The following INVS variants were observed in gnomAD, a reference collection of about 807,000 sequenced individuals.
INVS encodes inversion of embryo turning homolog.
INVS carries 86 observed loss-of-function variants against 108.8 expected under a neutral mutation model. That is an observed-to-expected ratio of 0.79 (90% CI 0.66 to 0.95). The LOEUF is 0.95. Ranked by LOEUF, INVS falls within the 40% of genes least tolerant of loss-of-function variation. The pLI is 0.00. For synonymous variants in INVS, 455 were observed against 473.5 expected (o/e 0.96, Z 0.51); for missense variants, 1,169 against 1,297.4 (o/e 0.90, Z 1.52).
intron 7 of INVS, among the ~76,000 whole-genome samples, chr9:100,244,803 G>C (rs1477840806): frequency 6.6e-6 from 1 of 152,136 alleles, no homozygotes; most frequent in African/African-American, 2.4e-5. Context: ...ACTCAGCAAA[G>C]AAATGTTTGC....
intron 3 of INVS, among the ~76,000 whole-genome samples, chr9:100,165,572 G>C (rs1012783181): frequency 2.0e-5 from 3 of 151,940 alleles, no homozygotes; most frequent in African/African-American, 7.3e-5. Context: ...TAATGAATTG[G>C]TTTCCTGGCA....
At chr9:100,287,356 C>T (rs1474073726) in intron 13 of INVS, among the ~76,000 whole-genome samples, 1 of 152,158 alleles carries the variant, frequency 6.6e-6, no homozygotes, top group Non-Finnish European at 1.5e-5. Flanking sequence ...AGTTACGAGA[C>T]CATCCCAGAC....
At chr9:100,123,884 C>T (rs1028390460) in intron 2 of INVS, among the ~76,000 whole-genome samples, 4 of 152,220 alleles carry the variant, frequency 2.6e-5, no homozygotes, top group Admixed American at 6.5e-5. Context: ...CAGCTCACTG[C>T]AACCTCCACC....
At chr9:100,218,996 C>T (rs1564162902) in intron 3 of INVS, among the ~76,000 whole-genome samples, 1 of 152,028 alleles carries the variant, frequency 6.6e-6, no homozygotes, top group Admixed American at 6.6e-5. Context: ...CAAAAATGAA[C>T]CTGCAGACAG....
chr9:100,219,104 A>G (rs1831068734), intron 3 of INVS, among the ~76,000 whole-genome samples: 1 of 152,230 alleles, frequency 6.6e-6, no homozygotes, highest in Non-Finnish European at 1.5e-5. Flanking sequence ...AATAAAGCAA[A>G]AAAATAAGCC....
chr9:100,151,212 A>G (rs955740184), intron 3 of INVS, among the ~76,000 whole-genome samples: 5 of 152,212 alleles, frequency 3.3e-5, no homozygotes, highest in African/African-American at 1.2e-4. Flanking sequence ...ATTAGTCTTC[A>G]TGCCTTTAAT....
chr9:100,242,654 A>C lies in INVS; in HGVS notation c.881A>C (p.His294Pro), dbSNP rs763504274. ...GACAGCCAAGGAGCCACACCTTTGC[A>C]CTATGCTGCTCAGAGTAACTTTGCT... The part of the protein sequence containing the change: ...PSDSQGATPL[H>P]YAAQSNFAET... The change falls in exon 7 of 17, where the codon CAC becomes CCC. Residue 294 changes from histidine to proline, a missense_variant. This residue lies in a region of INVS where 365 missense variants were observed against 397.5 expected (regional missense o/e 0.92). Transcript: ENST00000262457. The C allele has an allele frequency of 6.2e-7, 1 of 1,606,158 alleles. No individual in the cohort carries two copies. The highest frequency in any genetic ancestry group is 8.5e-7 in the Non-Finnish European group (1 of 1,172,772).
At chr9:100,134,097 C>G (rs1828144507) in intron 3 of INVS, among the ~76,000 whole-genome samples, 1 of 151,974 alleles carries the variant, frequency 6.6e-6, no homozygotes, top group Non-Finnish European at 1.5e-5. Context: ...CCCCATTCCA[C>G]TCTTCCCCCC....
chr9:100,119,787 T>C (rs910662827), intron 2 of INVS, among the ~76,000 whole-genome samples: 1 of 152,182 alleles, frequency 6.6e-6, no homozygotes, highest in African/African-American at 2.4e-5. Context: ...CTCAATCTCC[T>C]GATCTGGTGA....
chr9:100,215,503 G>A (rs1032341450), intron 3 of INVS: 1 of 152,234 alleles, frequency 6.6e-6, no homozygotes, highest in Non-Finnish European at 1.5e-5. Context: ...GAGAGGTGGA[G>A]CCAGAAACAT....
At chr9:100,266,510 G>A (rs1281400129) in intron 11 of INVS, among the ~76,000 whole-genome samples, 1 of 152,152 alleles carries the variant, frequency 6.6e-6, no homozygotes, top group South Asian at 2.1e-4. Context: ...CACAGCGCTG[G>A]TGGGAGTGTA....
At chr9:100,221,615 C>T (rs887024322) in intron 3 of INVS, among the ~76,000 whole-genome samples, 19 of 144,776 alleles carry the variant, frequency 1.3e-4, no homozygotes, top group Non-Finnish European at 2.9e-4. Context: ...CTGCTAAATT[C>T]CTATTGTCTA....
At chr9:100,245,122 T>G (rs1832001663) in intron 7 of INVS, among the ~76,000 whole-genome samples, 1 of 152,212 alleles carries the variant, frequency 6.6e-6, no homozygotes, top group Non-Finnish European at 1.5e-5. Context: ...CTCTTTTACC[T>G]CCATTCAATC....
intron 3 of INVS, among the ~76,000 whole-genome samples, chr9:100,194,847 C>T (rs1038155150): frequency 6.6e-6 from 1 of 152,144 alleles, no homozygotes. Flanking sequence ...ATGAGTGTGG[C>T]TGTGCCCCTG....
chr9:100,112,898 T>C (rs1374843818), intron 2 of INVS, among the ~76,000 whole-genome samples: 4 of 152,182 alleles, frequency 2.6e-5, no homozygotes, highest in Non-Finnish European at 5.9e-5. Flanking sequence ...TAAGGAGGAA[T>C]GTCTCTCTAG....
intron 3 of INVS, chr9:100,129,564 G>A: frequency 6.0e-6 from 3 of 499,868 alleles, no homozygotes; most frequent in South Asian, 3.7e-5. Context: ...AAACCAACAA[G>A]ACACTTTCAT....
intron 10 of INVS, among the ~76,000 whole-genome samples, chr9:100,261,296 C>T (rs1329528399): frequency 2.1e-5 from 3 of 142,002 alleles, no homozygotes; most frequent in East Asian, 2.1e-4. Flanking sequence ...GACAGAGTCT[C>T]GCTCTGTCAC....
intron 8 of INVS, among the ~76,000 whole-genome samples, chr9:100,247,429 G>A (rs1832080213): frequency 6.6e-6 from 1 of 152,126 alleles, no homozygotes; most frequent in East Asian, 1.9e-4. Context: ...TCAACTTGGA[G>A]GTCTCTTCCT....
intron 3 of INVS, among the ~76,000 whole-genome samples, chr9:100,138,894 A>T (rs1588030480): frequency 1.5e-5 from 2 of 137,630 alleles, no homozygotes; most frequent in African/African-American, 6.8e-5. Flanking sequence ...TTTAGTAGAG[A>T]TGGGTTTCAC....
Sources: gnomAD v4.1 joint callset for allele counts (sites outside exome capture counted in the v4.1 genomes callset) on GRCh38, gnomAD v4.1.1 for gene constraint, gnomAD v4.1.1 regional missense constraint, MANE v1.5 for transcripts, NCBI Gene and HGNC (gene_info 2026-07-23, HGNC 2026-07-21) for gene names.